Variants in DLGAP2 observed in about 807,000 individuals in gnomAD.
DLGAP2 encodes the protein DLG associated protein 2, also known as disks large-associated protein 2.
DLGAP2 carries 26 observed loss-of-function variants against 100.3 expected under a neutral mutation model. That is an observed-to-expected ratio of 0.26 (90% CI 0.19 to 0.36). The LOEUF is 0.36. Among genes scored for constraint, DLGAP2 ranks in the 10% least tolerant of loss-of-function variants. The pLI is 1.00. For missense variants in DLGAP2, 1,858 were observed against 1,453.2 expected (o/e 1.28, Z -4.53); for synonymous variants, 886 against 630.1 (o/e 1.41, Z -6.08).
At chr8:1,489,143 C>G (rs1488740959) in intron 3 of DLGAP2, among the ~76,000 whole-genome samples, 1 of 152,180 alleles carries the variant, frequency 6.6e-6, no homozygotes, top group Admixed American at 6.5e-5. Context: ...CTCTGTGTTA[C>G]CTGTGGACTG....
At chr8:1,505,404 T>C (rs567643528) in intron 4 of DLGAP2, among the ~76,000 whole-genome samples, 21 of 152,314 alleles carry the variant, frequency 1.4e-4, no homozygotes, top group African/African-American at 5.1e-4. Flanking sequence ...CCAACTCCCC[T>C]CAGTCTTCAA....
intron 14 of DLGAP2, 110 bp from the exon 15 acceptor site, chr8:1,701,078 T>G: frequency 3.0e-6 from 3 of 1,001,678 alleles, no homozygotes; most frequent in South Asian, 1.7e-5. Flanking sequence ...GATGCGGCCC[T>G]GGGGGCTGCG....
chr8:1,414,388 C>T (rs754173667), intron 3 of DLGAP2, among the ~76,000 whole-genome samples: 21 of 152,210 alleles, frequency 1.4e-4, no homozygotes, highest in Non-Finnish European at 1.5e-4. Context: ...GCCAGAAATG[C>T]AAGGTCCGGG....
intron 2 of DLGAP2, among the ~76,000 whole-genome samples, chr8:1,210,911 C>G (rs530223999): frequency 6.7e-6 from 1 of 150,270 alleles, no homozygotes; most frequent in Non-Finnish European, 1.5e-5. Context: ...CCTCCCAGGA[C>G]GCTGCCCTTC....
At chr8:912,669 T>TCTCTGTGG (rs1798509497) in intron 2 of DLGAP2, among the ~76,000 whole-genome samples, 1 of 146,100 alleles carries the variant, frequency 6.8e-6, no homozygotes, top group Non-Finnish European at 1.5e-5. Flanking sequence ...TCCATCTTCC[T>TCTCTGTGG]ATCTGTGGAG....
At chr8:1,027,104 T>C (rs1405528611) in intron 2 of DLGAP2, among the ~76,000 whole-genome samples, 1 of 150,932 alleles carries the variant, frequency 6.6e-6, no homozygotes, top group Non-Finnish European at 1.5e-5. Flanking sequence ...TAGGGAAGGG[T>C]TTTTTTTTAC....
chr8:1,316,294 CAGT>C (rs1409303211), intron 3 of DLGAP2, among the ~76,000 whole-genome samples: 1 of 135,650 alleles, frequency 7.4e-6, no homozygotes, highest in Non-Finnish European at 1.6e-5. Flanking sequence ...GTCTCTCCAA[CAGT>C]GGTCTACACT....
intron 1 of DLGAP2, among the ~76,000 whole-genome samples, chr8:822,472 C>T (rs55707857): frequency 0.22 from 34,070 of 152,154 alleles, 4,564 homozygotes; most frequent in Non-Finnish European, 0.31. Flanking sequence ...TTAAAAACTT[C>T]TCATGCGCAC....
rs564875149 is a variant in DLGAP2, at chr8:1,286,657, G to C, written c.106+27774G>C. Among the ~76,000 whole-genome samples the C allele has an allele frequency of 3.3e-5, 5 of 152,318 alleles. No individual in the cohort carries two copies. The South Asian group carries it at 1.0e-3, about 32-fold the overall frequency. The stretch of plus-strand genomic sequence containing the variant: ...CTGTGTATCCGTGCTGGGCTGTACA[G>C]CATCTCACACTCAGTCCCTATGAGA... On this transcript the variant is annotated intron_variant, in intron 3 of 14. Coordinates refer to ENST00000637795, the MANE Select transcript of DLGAP2 (RefSeq NM_001346810.2).
chr8:1,698,191 T>A (rs927543157), intron 14 of DLGAP2, among the ~76,000 whole-genome samples: 1 of 152,128 alleles, frequency 6.6e-6, no homozygotes, highest in East Asian at 1.9e-4. Flanking sequence ...GATCCACAGG[T>A]TCCCTCTCAT....
chr8:1,318,558 C>T (rs1206995476), intron 3 of DLGAP2, among the ~76,000 whole-genome samples: 7 of 151,104 alleles, frequency 4.6e-5, no homozygotes, highest in Admixed American at 2.0e-4. Context: ...TTGTCAGGGC[C>T]GGTTCGTTAC....
intron 12 of DLGAP2, among the ~76,000 whole-genome samples, chr8:1,685,254 C>T (rs574164333): frequency 8.5e-5 from 13 of 152,182 alleles, no homozygotes; most frequent in Non-Finnish European, 1.9e-4. Context: ...ATGCAGGGCA[C>T]GAGGATGACA....
chr8:866,903 G>A (rs554826880), intron 1 of DLGAP2, among the ~76,000 whole-genome samples: 3 of 152,218 alleles, frequency 2.0e-5, no homozygotes, highest in South Asian at 2.1e-4. Flanking sequence ...AACATGCCAC[G>A]TTCCCAGGGA....
intron 2 of DLGAP2, among the ~76,000 whole-genome samples, chr8:1,008,887 A>G (rs916425997): frequency 6.6e-6 from 1 of 152,212 alleles, no homozygotes; most frequent in Non-Finnish European, 1.5e-5. Context: ...GTGAGACCAC[A>G]TGGCCCCTTC....
At chr8:1,082,138 G>C (rs2129039664) in intron 2 of DLGAP2, among the ~76,000 whole-genome samples, 1 of 152,266 alleles carries the variant, frequency 6.6e-6, no homozygotes, top group African/African-American at 2.4e-5. Context: ...AGTTTACATA[G>C]ACACCTTCCT....
intron 2 of DLGAP2, among the ~76,000 whole-genome samples, chr8:1,228,589 A>G (rs771413526): frequency 7.9e-5 from 12 of 152,340 alleles, no homozygotes; most frequent in South Asian, 2.1e-4. Flanking sequence ...GCAACATAGA[A>G]CATACCCAAC....
intron 1 of DLGAP2, among the ~76,000 whole-genome samples, chr8:873,813 G>T (rs78491290): frequency 0.043 from 6,531 of 152,226 alleles, 224 homozygotes; most frequent in African/African-American, 0.088. Flanking sequence ...GGTTTGTTTT[G>T]ATTTGGCAGA....
rs553122345 is a variant in DLGAP2 at position 937,815 on chromosome 8, G to A, written c.73+29849G>A. Reference sequence around the variant, plus strand: ...GTCTAGGCCTCATTTTTCTCTTACCGAAAGTGAAGGAGTGGGATCGACTCT... The same window carrying A: ...GTCTAGGCCTCATTTTTCTCTTACCAAAAGTGAAGGAGTGGGATCGACTCT... On this transcript the variant is annotated intron_variant, in intron 2 of 14. Coordinates refer to ENST00000637795, the MANE Select transcript of DLGAP2 (RefSeq NM_001346810.2). 7.7e-4 allele frequency among the ~76,000 whole-genome samples: 117 copies of A among 152,226 alleles called. 2 individuals carry two copies. The South Asian group carries it at 0.024, about 31-fold the overall frequency.
intron 2 of DLGAP2, among the ~76,000 whole-genome samples, chr8:934,561 G>T (rs560151213): frequency 1.1e-4 from 17 of 152,300 alleles, no homozygotes; most frequent in African/African-American, 3.6e-4. Flanking sequence ...CCTCCCAGGG[G>T]GTGGAGAGGA....
Sources: allele counts gnomAD v4.1 joint callset (sites outside exome capture counted in the v4.1 genomes callset), GRCh38; gene constraint gnomAD v4.1.1; transcripts MANE v1.5; gene names NCBI Gene and HGNC (gene_info 2026-07-23, HGNC 2026-07-21).